PHIP: variants seen among roughly 807,000 people sequenced by gnomAD.
The protein encoded by PHIP is PH-interacting protein.
A neutral mutation model predicts 236.8 loss-of-function variants in PHIP; 54 were observed. That is an observed-to-expected ratio of 0.23 (90% CI 0.18 to 0.29). The LOEUF (loss-of-function observed/expected upper bound fraction) is 0.29. Among genes scored for constraint, PHIP ranks in the 10% least tolerant of loss-of-function variants. PHIP has a pLI of 1.00. For missense variants in PHIP, 1,370 were observed against 2,190.8 expected, an observed-to-expected ratio of 0.63 and a Z score of 7.48; for synonymous variants, 756 against 718.9, an observed-to-expected ratio of 1.05 and a Z score of -0.83.
At chr6:79,002,255 A>C in intron 16 of PHIP, 131 bp from the exon 17 acceptor site, 1 of 595,480 alleles carries the variant, frequency 1.7e-6, no homozygotes, top group Non-Finnish European at 2.9e-6. Context: ...AATTTTTAAA[A>C]TATTATTTTC....
rs956523810 is a variant in PHIP, at chr6:79,033,062, CT to C, written c.601-6899del. Among the ~76,000 whole-genome samples the C allele has an allele frequency of 1.6e-4, 23 of 147,336 alleles. No homozygotes were observed. The East Asian group carries it at 2.2e-3, about 14-fold the overall frequency. The stretch of plus-strand genomic sequence containing the variant: ...TGAACAGTAATATCTTGAAAGGAAT[CT>C]TTTTTTTTTTCTGAGCAGTAGGTAT... On this transcript the variant is annotated intron_variant, in intron 7 of 39. Coordinates refer to ENST00000275034, the MANE Select transcript of PHIP (RefSeq NM_017934.7).
intron 16 of PHIP, among the ~76,000 whole-genome samples, chr6:79,002,454 TAAAC>T: frequency 6.6e-6 from 1 of 152,182 alleles, no homozygotes. Flanking sequence ...GTTCCAGAAA[TAAAC>T]AACTCATAAG....
intron 4 of PHIP, among the ~76,000 whole-genome samples, chr6:79,070,188 T>A (rs999776327): frequency 6.6e-6 from 1 of 152,208 alleles, no homozygotes; most frequent in Non-Finnish European, 1.5e-5. Flanking sequence ...TTTTGATGTT[T>A]AAGTCGTCAT....
At chr6:79,056,129 T>C (rs1021254800) in intron 6 of PHIP, among the ~76,000 whole-genome samples, 3 of 152,182 alleles carry the variant, frequency 2.0e-5, no homozygotes, top group Non-Finnish European at 4.4e-5. Context: ...CCTAACAGTA[T>C]AGTAGAGGAA....
In PHIP at chr6:79,015,675, C is replaced by G; in HGVS notation, c.1344G>C (p.Leu448=). 6.2e-7 allele frequency: 1 copy of G among 1,609,326 alleles called. No individual in the cohort carries two copies. The highest frequency in any genetic ancestry group is 8.5e-7 in the Non-Finnish European group (1 of 1,176,488). The change falls in exon 14 of 40, where the codon CTG becomes CTC. Residue 448 remains leucine, a synonymous_variant. Transcript: ENST00000275034. ...TVITAVNNMT[L]KVWNSYTGQL... Reference sequence around the variant, plus strand: ...GACCAGTGTAAGAATTCCAAACTTTCAGAGTCATGTTATTAACTGCAGTTA... The same window carrying G: ...GACCAGTGTAAGAATTCCAAACTTTGAGAGTCATGTTATTAACTGCAGTTA...
At chr6:79,032,046 A>T (rs558506042) in intron 7 of PHIP, among the ~76,000 whole-genome samples, 21 of 152,340 alleles carry the variant, frequency 1.4e-4, no homozygotes, top group African/African-American at 5.1e-4. Flanking sequence ...AAGTGCATGT[A>T]AGAGTTACGT....
At chr6:79,021,496 C>T (rs1771115090) in intron 9 of PHIP, among the ~76,000 whole-genome samples, 1 of 151,960 alleles carries the variant, frequency 6.6e-6, no homozygotes, top group Non-Finnish European at 1.5e-5. Context: ...AACAGATGAA[C>T]GGATAAAGAA....
chr6:79,048,450 A>T (rs67192540), intron 6 of PHIP, among the ~76,000 whole-genome samples: 16,207 of 151,914 alleles, frequency 0.11, 894 homozygotes, highest in Middle Eastern at 0.19. Flanking sequence ...AATACATGAT[A>T]AAAAAAACCC....
chr6:79,046,269 C>G (rs936180621), intron 6 of PHIP, among the ~76,000 whole-genome samples: 1 of 152,118 alleles, frequency 6.6e-6, no homozygotes, highest in African/African-American at 2.4e-5. Context: ...TTCCCTTATA[C>G]CTTTTCAAGT....
intron 9 of PHIP, among the ~76,000 whole-genome samples, chr6:79,020,459 CTG>C (rs1771062033): frequency 3.3e-5 from 5 of 152,118 alleles, no homozygotes; most frequent in Admixed American, 3.3e-4. Flanking sequence ...GCAAAATTAA[CTG>C]TAATTTAAGT....
intron 6 of PHIP, among the ~76,000 whole-genome samples, chr6:79,055,983 C>CCCA (rs1245411213): frequency 1.3e-5 from 2 of 152,246 alleles, no homozygotes; most frequent in East Asian, 3.9e-4. Context: ...TAATACCTTA[C>CCCA]CCACCTTTGA....
At chr6:78,993,785 G>A (rs1192621459) in intron 19 of PHIP, among the ~76,000 whole-genome samples, 1 of 152,166 alleles carries the variant, frequency 6.6e-6, no homozygotes, top group Non-Finnish European at 1.5e-5. Flanking sequence ...TTCTCTTCAT[G>A]CCTGCTAACA....
In PHIP at chr6:78,998,243, T is replaced by C. The variant is rs765556606; in HGVS notation, c.2017+11A>G. The C allele has an allele frequency of 5.0e-6, 8 of 1,600,552 alleles. No homozygotes were observed. The highest frequency in any genetic ancestry group is 1.3e-5 in the African/African-American group (1 of 74,668). Reference sequence around the variant, plus strand: ...TTTAAATATTTCACTTAAAATAGAATACCTGCTTACCTCTACTTAAACGGC... The same window carrying C: ...TTTAAATATTTCACTTAAAATAGAACACCTGCTTACCTCTACTTAAACGGC... On this transcript the variant is annotated intron_variant, in intron 18 of 39. Transcript: ENST00000275034.
intron 35 of PHIP, among the ~76,000 whole-genome samples, chr6:78,952,747 A>G (rs1376511710): frequency 6.6e-6 from 1 of 152,010 alleles, no homozygotes; most frequent in African/African-American, 2.4e-5. Context: ...GTTGATTTTA[A>G]TATGTCTTCA....
At chr6:78,986,756 T>G (rs568227159) in intron 21 of PHIP, among the ~76,000 whole-genome samples, 212 of 152,314 alleles carry the variant, frequency 1.4e-3, no homozygotes, top group African/African-American at 4.8e-3. Context: ...TAATGAAGAA[T>G]GTGAATTATA....
chr6:78,971,011 T>G (rs767079062), intron 24 of PHIP, 123 bp from the exon 25 acceptor site: 37 of 644,836 alleles, frequency 5.7e-5, no homozygotes, highest in Non-Finnish European at 9.1e-5. Context: ...ATTCTAATAT[T>G]TTCTCCCTCC....
At chr6:79,041,028 AAAAG>A (rs1456274174) in intron 7 of PHIP, among the ~76,000 whole-genome samples, 2 of 152,174 alleles carry the variant, frequency 1.3e-5, no homozygotes, top group African/African-American at 2.4e-5. Context: ...ACATGCCCTT[AAAAG>A]AAAGAATCAA....
At chr6:78,977,854 TTTTTG>T in intron 24 of PHIP, among the ~76,000 whole-genome samples, 1 of 152,252 alleles carries the variant, frequency 6.6e-6, no homozygotes, top group East Asian at 1.9e-4. Flanking sequence ...CATTAAAAAG[TTTTTG>T]TTTTCTTTTT....
chr6:79,068,851 G>T (rs1480992321), intron 4 of PHIP, among the ~76,000 whole-genome samples: 1 of 152,114 alleles, frequency 6.6e-6, no homozygotes, highest in Non-Finnish European at 1.5e-5. Context: ...AGACCTAGAA[G>T]TGCCCTTCTT....
Sources: allele counts gnomAD v4.1 joint callset (sites outside exome capture counted in the v4.1 genomes callset), GRCh38; gene constraint gnomAD v4.1.1; transcripts MANE v1.5; gene names NCBI Gene and HGNC (gene_info 2026-07-23, HGNC 2026-07-21).